GALK2: variants seen among roughly 807,000 people sequenced by gnomAD.
The protein encoded by GALK2 is N-acetylgalactosamine kinase.
In GALK2, 36 loss-of-function variants were observed where a neutral mutation model predicts 52.4. That is an observed-to-expected ratio of 0.69 (90% CI 0.53 to 0.91). The LOEUF (loss-of-function observed/expected upper bound fraction) is 0.91, where lower values mean the gene tolerates loss of function less well. Ranked by LOEUF, GALK2 falls within the 40% of genes least tolerant of loss-of-function variation. The pLI, the probability that GALK2 is intolerant of heterozygous loss-of-function variation, is 0.00. For missense variants in GALK2, 579 were observed against 559.1 expected, an observed-to-expected ratio of 1.04 and a Z score of -0.36; for synonymous variants, 176 against 199.1, an observed-to-expected ratio of 0.88 and a Z score of 0.98.
chr15:49,253,320 C>G (rs1470394606), intron 5 of GALK2, among the ~76,000 whole-genome samples: 1 of 144,250 alleles, frequency 6.9e-6, no homozygotes, highest in African/African-American at 2.5e-5. Flanking sequence ...CTAAATGGAT[C>G]CCAGGGTTCT....
intron 8 of GALK2, among the ~76,000 whole-genome samples, chr15:49,311,653 AC>A (rs1334435147): frequency 6.6e-6 from 1 of 152,210 alleles, no homozygotes; most frequent in African/African-American, 2.4e-5. Flanking sequence ...TGTAATGATT[AC>A]TGTGCTATAT....
intron 9 of GALK2, among the ~76,000 whole-genome samples, chr15:49,324,361 C>G (rs1377413233): frequency 7.6e-6 from 1 of 131,924 alleles, no homozygotes; most frequent in Non-Finnish European, 1.5e-5. Context: ...GTTGCATGCT[C>G]TTTCCCCATG....
chr15:49,192,912 A>G (rs142454209), intron 1 of GALK2, among the ~76,000 whole-genome samples: 102 of 151,990 alleles, frequency 6.7e-4, no homozygotes, highest in African/African-American at 2.4e-3. Context: ...GGCATCCCCA[A>G]GTACTGGGAT....
At chr15:49,210,653 C>T (rs1217621989) in intron 2 of GALK2, among the ~76,000 whole-genome samples, 1 of 151,930 alleles carries the variant, frequency 6.6e-6, no homozygotes, top group Non-Finnish European at 1.5e-5. Flanking sequence ...GAAGGCCAGG[C>T]TGGTCGCGAA....
chr15:49,221,729 T>C (rs980240660), intron 3 of GALK2, among the ~76,000 whole-genome samples: 1 of 151,986 alleles, frequency 6.6e-6, no homozygotes. Flanking sequence ...CATGGATGTA[T>C]TTCTGGGTTC....
chr15:49,225,446 G>A, intron 3 of GALK2: 1 of 332,834 alleles, frequency 3.0e-6, no homozygotes, highest in East Asian at 8.0e-5. Flanking sequence ...GAACCCTATT[G>A]TGGACTGCAT....
intron 6 of GALK2, 29 bp downstream of exon 6, chr15:49,282,114 C>A: frequency 6.5e-7 from 1 of 1,532,978 alleles, no homozygotes; most frequent in Non-Finnish European, 9.0e-7. Context: ...AGGAACCATT[C>A]AGAAATTCCT....
In GALK2 at chr15:49,329,806, T is replaced by TAAAAAAAAAAAA. The variant is rs558009170; in HGVS notation, c.*1653_*1664dup. ...TTCTTTAAAGATACCTGGATCAGTG[T>TAAAAAAAAAAAA]AAAAAAAAAAAAAAAAAGGCACCTG... On this transcript the variant is annotated 3_prime_UTR_variant, in exon 10 of 10. Coordinates refer to ENST00000560031, the MANE Select transcript of GALK2 (RefSeq NM_002044.4). 1 of 688,250 alleles carries TAAAAAAAAAAAA rather than the reference T, an allele frequency of 1.5e-6. No homozygotes were observed. The highest frequency in any genetic ancestry group is 1.8e-6 in the Non-Finnish European group (1 of 571,250). 42.6% of individuals were successfully genotyped at this position (688,250 alleles called of 1,614,324 possible).
intron 5 of GALK2, among the ~76,000 whole-genome samples, chr15:49,258,978 C>A (rs8029687): frequency 0.25 from 37,786 of 151,020 alleles, 5,873 homozygotes; most frequent in Non-Finnish European, 0.35. Flanking sequence ...TGTCCTTCAC[C>A]CATTTTTTGA....
At chr15:49,249,186 A>AC (rs934279708) in intron 5 of GALK2, among the ~76,000 whole-genome samples, 7 of 152,070 alleles carry the variant, frequency 4.6e-5, no homozygotes, top group Non-Finnish European at 1.0e-4. Flanking sequence ...AGGATAGATA[A>AC]CCCCCCTACC....
intron 3 of GALK2, chr15:49,365,229 T>C (rs2044928741): frequency 1.9e-6 from 2 of 1,034,920 alleles, no homozygotes; most frequent in Non-Finnish European, 3.1e-6. Context: ...AACTTTTTCA[T>C]TTCCTTACAT....
At position 49,329,806 on chromosome 15, in the gene GALK2, TAAAA is replaced by T. The variant is rs558009170; in HGVS notation, c.*1661_*1664del. On this transcript the variant is annotated 3_prime_UTR_variant, in exon 10 of 10. Transcript: ENST00000560031. ...TTCTTTAAAGATACCTGGATCAGTGTAAAAAAAAAAAAAAAAAGGCACCTGTCAT... is the reference window on the plus strand; with the variant it reads ...TTCTTTAAAGATACCTGGATCAGTGTAAAAAAAAAAAAAGGCACCTGTCAT... 770 of 727,476 alleles carry T rather than the reference TAAAA, an allele frequency of 1.1e-3. No homozygotes were observed. The highest frequency in any genetic ancestry group is 1.2e-3 in the Non-Finnish European group (711 of 607,006). 45.1% of individuals were successfully genotyped at this position (727,476 alleles called of 1,614,324 possible).
chr15:49,269,001 A>T (rs1400883902), intron 5 of GALK2, among the ~76,000 whole-genome samples: 7 of 152,350 alleles, frequency 4.6e-5, no homozygotes, highest in Admixed American at 6.5e-5. Context: ...TTGTATTTAT[A>T]ACATTTATAA....
At chr15:49,353,593 T>C (rs2042572812) in intron 3 of GALK2, 1 of 150,958 alleles carries the variant, frequency 6.6e-6, no homozygotes, top group Non-Finnish European at 1.5e-5. Context: ...ACCCAATTTT[T>C]GAAGTTGAAG....
At chr15:49,215,281 A>C (rs1216739957) in intron 2 of GALK2, among the ~76,000 whole-genome samples, 1 of 152,176 alleles carries the variant, frequency 6.6e-6, no homozygotes, top group Admixed American at 6.5e-5. Context: ...AGGTTTGGAA[A>C]GTTTTCTATC....
intron 9 of GALK2, among the ~76,000 whole-genome samples, chr15:49,322,425 A>G (rs143696313): frequency 1.3e-5 from 2 of 152,156 alleles, no homozygotes; most frequent in Non-Finnish European, 2.9e-5. Flanking sequence ...AAAGCTTCTT[A>G]TATAATTAAT....
chr15:49,171,345 G>C (rs774248589), intron 1 of GALK2, among the ~76,000 whole-genome samples: 1 of 152,126 alleles, frequency 6.6e-6, no homozygotes, highest in Non-Finnish European at 1.5e-5. Context: ...GCCTCCCAAA[G>C]TGCTGGGATT....
In GALK2 at chr15:49,279,272, G is replaced by C. The variant is rs944232912; in HGVS notation, c.505-2715G>C. 2.0e-5 allele frequency among the ~76,000 whole-genome samples: 3 copies of C among 152,332 alleles called. No individual in the cohort carries two copies. The East Asian group carries it at 5.8e-4, about 29-fold the overall frequency. On this transcript the variant is annotated intron_variant, in intron 5 of 9. Transcript: ENST00000560031. ...ACTAAAACTATTAGCATTGTTAATA[G>C]AATATGAATACATGGAAAAAATAAT...
At position 49,319,825 on chromosome 15, in the gene GALK2, G is replaced by C. The variant is rs781045458; in HGVS notation, c.1169+20G>C. The C allele has an allele frequency of 7.5e-6, 12 of 1,591,850 alleles. No individual in the cohort carries two copies. Among genetic ancestry groups the C allele is most frequent in the Non-Finnish European group, 1.0e-5 (12 of 1,163,666 alleles). On this transcript the variant is annotated intron_variant, in intron 9 of 9. Coordinates refer to ENST00000560031, the MANE Select transcript of GALK2 (RefSeq NM_002044.4). Reference sequence around the variant, plus strand: ...CTGTCGGTGAGGCAGCCTGGTGGGGGCCAAGGGATGCCATCAAATAATATT... The same window carrying C: ...CTGTCGGTGAGGCAGCCTGGTGGGGCCCAAGGGATGCCATCAAATAATATT...
Sources: allele counts gnomAD v4.1 joint callset (sites outside exome capture counted in the v4.1 genomes callset), GRCh38; gene constraint gnomAD v4.1.1; transcripts MANE v1.5; gene names NCBI Gene and HGNC (gene_info 2026-07-23, HGNC 2026-07-21).